The following CPQ variants were observed in gnomAD, a reference collection of about 807,000 sequenced individuals.
The protein encoded by CPQ is carboxypeptidase Q, also known as Ser-Met dipeptidase.
In CPQ, 37 loss-of-function variants were observed where a neutral mutation model predicts 45.7. The ratio of observed to expected loss-of-function variants is 0.81; its 90% CI spans 0.62 to 1.07. CPQ has a LOEUF of 1.07. CPQ is among the 50% of genes least tolerant of loss of function. The pLI is 0.00. For missense variants in CPQ, 537 were observed against 572.9 expected, an observed-to-expected ratio of 0.94 and a Z score of 0.64; for synonymous variants, 186 against 205.8, an observed-to-expected ratio of 0.90 and a Z score of 0.82.
At chr8:96,707,516 G>A (rs1279578415) in intron 1 of CPQ, among the ~76,000 whole-genome samples, 1 of 151,680 alleles carries the variant, frequency 6.6e-6, no homozygotes, top group Non-Finnish European at 1.5e-5. Context: ...CATATTTTAT[G>A]TGTGGCCCAA....
Position 96,835,270 on chromosome 8 carries a change from A to G in CPQ, c.641+90A>G, listed in dbSNP as rs1811515550. 5 of 1,011,938 alleles carry G rather than the reference A, an allele frequency of 4.9e-6. No homozygotes were observed. In the Admixed American group the frequency reaches 1.8e-4, roughly 35 times the overall value. The allele number at this position is 1,011,938 out of a possible 1,614,324, so 62.7% of individuals were successfully genotyped here. A position where few individuals can be genotyped will look rare whatever the true frequency, so the allele number is the denominator to read the frequency against. ...TATGAAGTAAAAACAAACCATTCAA[A>G]TGAAAATACTTATTGTTCATGGAGT... is the stretch of plus-strand genomic sequence containing the variant. On this transcript the variant is annotated intron_variant, in intron 3 of 7. Coordinates refer to ENST00000220763, the MANE Select transcript of CPQ (RefSeq NM_016134.4).
In CPQ at chr8:97,019,837, G is replaced by C. The variant is rs57247965; in HGVS notation, c.962-9566G>C. On this transcript the variant is annotated intron_variant, in intron 5 of 7. Coordinates refer to ENST00000220763, the MANE Select transcript of CPQ (RefSeq NM_016134.4). Reference sequence around the variant, plus strand: ...TTCATCAACACAGAAAGTCAACAAAGAAACAATGGATTTAAACTACACCCT... The same window carrying C: ...TTCATCAACACAGAAAGTCAACAAACAAACAATGGATTTAAACTACACCCT... 5.5e-3 allele frequency among the ~76,000 whole-genome samples: 840 copies of C among 152,156 alleles called. 12 individuals carry two copies. Among genetic ancestry groups the C allele is most frequent in the African/African-American group, 0.018 (768 of 41,532 alleles).
At chr8:96,777,406 G>A (rs1469000875) in intron 1 of CPQ, among the ~76,000 whole-genome samples, 1 of 151,930 alleles carries the variant, frequency 6.6e-6, no homozygotes, top group African/African-American at 2.4e-5. Context: ...CGGAAGGATG[G>A]GAGGGAGAAA....
intron 6 of CPQ, chr8:97,056,579 T>G (rs1028448094): frequency 6.6e-6 from 1 of 152,194 alleles, no homozygotes; most frequent in Non-Finnish European, 1.5e-5. Flanking sequence ...TGGTTTCCAC[T>G]TTAAATTTTT....
In CPQ at chr8:97,090,611, A is replaced by G. The variant is rs142390497; in HGVS notation, c.1255+24401A>G. Among the ~76,000 whole-genome samples, 70 of 152,294 alleles carry G rather than the reference A, an allele frequency of 4.6e-4. 1 individual carries two copies. Among genetic ancestry groups the G allele is most frequent in the Admixed American group, 1.4e-3 (22 of 15,296 alleles). On this transcript the variant is annotated intron_variant, in intron 7 of 7. Coordinates refer to ENST00000220763, the MANE Select transcript of CPQ (RefSeq NM_016134.4). ...AAATTTCACATTTCCCACACTCAGAACCTAGGAGATCAACCATATTTGACT... is the reference window on the plus strand; with the variant it reads ...AAATTTCACATTTCCCACACTCAGAGCCTAGGAGATCAACCATATTTGACT...
intron 1 of CPQ, among the ~76,000 whole-genome samples, chr8:96,711,817 T>A (rs137954861): frequency 6.6e-6 from 1 of 152,006 alleles, no homozygotes; most frequent in East Asian, 1.9e-4. Flanking sequence ...CCCTCCCAAA[T>A]CTCATGTCCA....
chr8:97,076,988 A>G (rs1193028671), intron 7 of CPQ, among the ~76,000 whole-genome samples: 3 of 152,216 alleles, frequency 2.0e-5, no homozygotes, highest in Non-Finnish European at 4.4e-5. Context: ...TATATACTGT[A>G]TTCTTATAAT....
chr8:96,774,582 T>TACAGGCAGGGTTTG (rs1810584171), intron 1 of CPQ, among the ~76,000 whole-genome samples: 1 of 152,004 alleles, frequency 6.6e-6, no homozygotes, highest in Non-Finnish European at 1.5e-5. Flanking sequence ...AAGGCAGAAT[T>TACAGGCAGGGTTTG]ACAGGCAGGG....
At chr8:96,926,599 C>CTTCTTT (rs1812888101) in intron 4 of CPQ, among the ~76,000 whole-genome samples, 1 of 145,228 alleles carries the variant, frequency 6.9e-6, no homozygotes, top group Non-Finnish European at 1.5e-5. Context: ...TCTTCTTCTT[C>CTTCTTT]TTCTTCTTCT....
rs1156706371 is a variant in CPQ at position 96,854,530 on chromosome 8, CAAAAAAAAAAAAAAA to C, written c.641+19365_641+19379del. On this transcript the variant is annotated intron_variant, in intron 3 of 7. Coordinates refer to ENST00000220763, the MANE Select transcript of CPQ (RefSeq NM_016134.4). ...TGGGCGACAGAGCGAGACTCCGTCT[CAAAAAAAAAAAAAAA>C]AAAAAAAAAAAAAATGTGGTGGAAC... Among the ~76,000 whole-genome samples the C allele has an allele frequency of 2.8e-3, 24 of 8,698 alleles. 1 individual carries two copies. The highest frequency in any genetic ancestry group is 9.1e-3 in the Admixed American group (4 of 438). 5.7% of individuals were successfully genotyped at this position (8,698 alleles called of 152,430 possible). A position where few individuals can be genotyped will look rare whatever the true frequency, so the allele number is the denominator to read the frequency against.
intron 7 of CPQ, among the ~76,000 whole-genome samples, chr8:97,068,457 C>T (rs1342860243): frequency 6.6e-6 from 1 of 151,988 alleles, no homozygotes; most frequent in Non-Finnish European, 1.5e-5. Context: ...CATGGTGAAA[C>T]CCCAGCTCTA....
chr8:96,791,958 A>G lies in CPQ; in HGVS notation c.433+6628A>G, dbSNP rs74580914. ...GACTCCATAAGGGATCACTGAAGCT[A>G]GAATTTACAGGAGCTGGATTCTGCC... On this transcript the variant is annotated intron_variant, in intron 2 of 7. Transcript: ENST00000220763. 3.4e-4 allele frequency among the ~76,000 whole-genome samples: 52 copies of G among 152,342 alleles called. No individual in the cohort carries two copies. In the East Asian group the frequency reaches 9.3e-3, roughly 27 times the overall value.
rs1198021662 is a variant in CPQ, at chr8:96,645,517, G to A, written c.-35+115G>A. On this transcript the variant is annotated intron_variant, in intron 1 of 7. Coordinates refer to ENST00000220763, the MANE Select transcript of CPQ (RefSeq NM_016134.4). ...AGCAGGCCAGGGGCGGGGGCAGAGG[G>A]GGACGGACTTCCAGCATCGCTCATT... The A allele has an allele frequency of 3.3e-5, 5 of 152,604 alleles. No homozygotes were observed. The East Asian group carries it at 7.7e-4, about 23-fold the overall frequency. 9.5% of individuals were successfully genotyped at this position (152,604 alleles called of 1,614,324 possible).
intron 4 of CPQ, among the ~76,000 whole-genome samples, chr8:96,934,873 G>A (rs1490720286): frequency 1.3e-5 from 2 of 152,120 alleles, no homozygotes; most frequent in Non-Finnish European, 2.9e-5. Flanking sequence ...GGCAGAAAAG[G>A]AACAGAGACA....
At position 97,044,272 on chromosome 8, in the gene CPQ, G is replaced by A. The variant is rs528811361; in HGVS notation, c.1053+14778G>A. On this transcript the variant is annotated intron_variant, in intron 6 of 7. Transcript: ENST00000220763. ...CTGATACCCTTTCTTCCAGTTGATT[G>A]CATCGGCTCCTGAGGCTTCTGCATT... Among the ~76,000 whole-genome samples the A allele has an allele frequency of 5.3e-5, 8 of 152,200 alleles. No homozygotes were observed. In the South Asian group the frequency reaches 8.3e-4, roughly 16 times the overall value.
At chr8:96,851,427 C>G (rs1287655691) in intron 3 of CPQ, among the ~76,000 whole-genome samples, 2 of 152,088 alleles carry the variant, frequency 1.3e-5, no homozygotes, top group African/African-American at 2.4e-5. Flanking sequence ...AGTTCTGGAT[C>G]CTGGGAGGTC....
At chr8:96,908,003 GA>G (rs1460228569) in intron 4 of CPQ, among the ~76,000 whole-genome samples, 1 of 152,042 alleles carries the variant, frequency 6.6e-6, no homozygotes, top group Non-Finnish European at 1.5e-5. Flanking sequence ...GGCAGAAAAT[GA>G]GTTCACAGGT....
At chr8:96,670,813 TA>T (rs1462312340) in intron 1 of CPQ, among the ~76,000 whole-genome samples, 1 of 128,098 alleles carries the variant, frequency 7.8e-6, no homozygotes, top group Non-Finnish European at 1.6e-5. Context: ...TAACAATCTT[TA>T]AATGACAGAA....
chr8:96,937,356 G>T (rs998975806), intron 4 of CPQ, among the ~76,000 whole-genome samples: 1 of 152,060 alleles, frequency 6.6e-6, no homozygotes, highest in Admixed American at 6.5e-5. Context: ...GCCTGGACCT[G>T]AATTTAATCT....
Sources: gnomAD v4.1 joint callset for allele counts (sites outside exome capture counted in the v4.1 genomes callset) on GRCh38, gnomAD v4.1.1 for gene constraint, MANE v1.5 for transcripts, NCBI Gene and HGNC (gene_info 2026-07-23, HGNC 2026-07-21) for gene names.